DAB1: variants seen among roughly 807,000 people sequenced by gnomAD.
DAB1 encodes the protein DAB adaptor protein 1, also known as disabled homolog 1.
DAB1 carries 15 observed loss-of-function variants against 64.6 expected under a neutral mutation model. That is an observed-to-expected ratio of 0.23 (90% CI 0.16 to 0.36). The LOEUF (loss-of-function observed/expected upper bound fraction) is 0.36. Among genes scored for constraint, DAB1 ranks in the 10% least tolerant of loss-of-function variants. DAB1 has a pLI of 1.00. For synonymous variants in DAB1, 235 were observed against 251.9 expected, an observed-to-expected ratio of 0.93 and a Z score of 0.64; for missense variants, 596 against 706.7, an observed-to-expected ratio of 0.84 and a Z score of 1.78.
At chr1:57,243,413 C>G (rs1211038769) in intron 2 of DAB1, among the ~76,000 whole-genome samples, 2 of 152,106 alleles carry the variant, frequency 1.3e-5, no homozygotes, top group Non-Finnish European at 2.9e-5. Flanking sequence ...TTTTGCCCCT[C>G]AACTCTCTGT....
intron 1 of DAB1, among the ~76,000 whole-genome samples, chr1:57,314,793 G>A (rs1307125174): frequency 1.3e-5 from 2 of 151,154 alleles, no homozygotes. Flanking sequence ...CACAAAGAAA[G>A]GGATGAACAG....
chr1:57,524,636 AG>A (rs2101393938), intron 7 of DAB1, among the ~76,000 whole-genome samples: 2 of 152,324 alleles, frequency 1.3e-5, no homozygotes, highest in African/African-American at 4.8e-5. Context: ...AACCTCCTTA[AG>A]GGTGGGGGAA....
At chr1:57,906,285 C>T (rs962239029) in intron 5 of DAB1, among the ~76,000 whole-genome samples, 1 of 152,124 alleles carries the variant, frequency 6.6e-6, no homozygotes, top group African/African-American at 2.4e-5. Flanking sequence ...CTCTAAATGC[C>T]TCATATATTT....
chr1:57,770,903 C>A (rs757156871), intron 6 of DAB1, among the ~76,000 whole-genome samples: 3 of 152,122 alleles, frequency 2.0e-5, no homozygotes, highest in Non-Finnish European at 4.4e-5. Context: ...CAGATGGGCA[C>A]TGCAGGAGGG....
chr1:58,050,104 C>A (rs4912295), intron 5 of DAB1, among the ~76,000 whole-genome samples: 52,260 of 151,850 alleles, frequency 0.34, 9,691 homozygotes, highest in African/African-American at 0.5. Context: ...TATTCTAGGC[C>A]AACAGAATAG....
At chr1:57,017,436 G>A (rs1646469946) in intron 11 of DAB1, among the ~76,000 whole-genome samples, 1 of 152,148 alleles carries the variant, frequency 6.6e-6, no homozygotes, top group South Asian at 2.1e-4. Flanking sequence ...TGTGAGCCCA[G>A]AGAGATCCAA....
At chr1:58,062,488 A>C (rs10443247) in intron 5 of DAB1, among the ~76,000 whole-genome samples, 21,558 of 152,252 alleles carry the variant, frequency 0.14, 1,695 homozygotes, top group East Asian at 0.31. Flanking sequence ...CTGCTATTCC[A>C]GCTTCCAAGA....
At chr1:58,164,550 G>C (rs961858316) in intron 4 of DAB1, among the ~76,000 whole-genome samples, 7 of 152,150 alleles carry the variant, frequency 4.6e-5, no homozygotes, top group Non-Finnish European at 7.4e-5. Context: ...GCTTATAATA[G>C]CATCCTTTTT....
intron 1 of DAB1, among the ~76,000 whole-genome samples, chr1:57,356,639 C>G (rs1862925): frequency 6.6e-6 from 1 of 151,704 alleles, no homozygotes; most frequent in Admixed American, 6.6e-5. Flanking sequence ...AGTATTGCAA[C>G]AAACTCCATT....
intron 6 of DAB1, among the ~76,000 whole-genome samples, chr1:57,820,772 A>G (rs1011963860): frequency 6.6e-6 from 1 of 152,222 alleles, no homozygotes; most frequent in African/African-American, 2.4e-5. Flanking sequence ...TTAAAAAATT[A>G]AACCATAATT....
At chr1:58,489,904 A>G (rs1252719438) in intron 3 of DAB1, among the ~76,000 whole-genome samples, 1 of 152,226 alleles carries the variant, frequency 6.6e-6, no homozygotes, top group Non-Finnish European at 1.5e-5. Context: ...AGGAAAACTA[A>G]CAAACAGAAA....
At chr1:57,654,816 C>T (rs566939110) in intron 6 of DAB1, among the ~76,000 whole-genome samples, 2 of 152,214 alleles carry the variant, frequency 1.3e-5, no homozygotes, top group South Asian at 2.1e-4. Context: ...ACTTAATTTC[C>T]CTTTACGGTA....
intron 3 of DAB1, among the ~76,000 whole-genome samples, chr1:57,139,184 T>C (rs552262652): frequency 1.3e-5 from 2 of 152,274 alleles, no homozygotes; most frequent in East Asian, 1.9e-4. Flanking sequence ...GCCAGAGTGA[T>C]AGTACCGGGA....
At chr1:58,505,024 C>G (rs1645965060) in intron 3 of DAB1, among the ~76,000 whole-genome samples, 1 of 152,044 alleles carries the variant, frequency 6.6e-6, no homozygotes. Flanking sequence ...ACGATCTCGG[C>G]TCACTACAAC....
intron 1 of DAB1, among the ~76,000 whole-genome samples, chr1:57,413,743 CAAAAAAAA>C (rs58388088): frequency 1.1e-3 from 71 of 64,506 alleles, no homozygotes; most frequent in African/African-American, 3.2e-3. Context: ...GACTCTGTCT[CAAAAAAAA>C]AAAAAAAAAA....
intron 5 of DAB1, among the ~76,000 whole-genome samples, chr1:58,033,378 A>G (rs1646998232): frequency 6.6e-6 from 1 of 152,138 alleles, no homozygotes; most frequent in Non-Finnish European, 1.5e-5. Flanking sequence ...CTGCTATCAG[A>G]TAAGCACCAT....
intron 1 of DAB1, among the ~76,000 whole-genome samples, chr1:57,852,844 A>G (rs1260609981): frequency 2.0e-5 from 3 of 152,086 alleles, no homozygotes; most frequent in African/African-American, 7.2e-5. Flanking sequence ...TGGAAACTCT[A>G]TGAGGGTAGA....
At chr1:58,140,862 A>G (rs1269631786) in intron 5 of DAB1, among the ~76,000 whole-genome samples, 2 of 152,270 alleles carry the variant, frequency 1.3e-5, no homozygotes, top group African/African-American at 4.8e-5. Context: ...CTTGCAGGAA[A>G]TATGAGGCAT....
intron 5 of DAB1, among the ~76,000 whole-genome samples, chr1:58,046,366 C>T (rs1010740693): frequency 6.6e-6 from 1 of 152,164 alleles, no homozygotes; most frequent in Non-Finnish European, 1.5e-5. Context: ...ATGTTTATAT[C>T]GTCCAAATCA....
Sources: gnomAD v4.1 joint callset for allele counts (sites outside exome capture counted in the v4.1 genomes callset) on GRCh38, gnomAD v4.1.1 for gene constraint, MANE v1.5 for transcripts, NCBI Gene and HGNC (gene_info 2026-07-23, HGNC 2026-07-21) for gene names.